The following FBXL17 variants were observed in gnomAD, a reference collection of about 807,000 sequenced individuals.
FBXL17 encodes the protein F-box and leucine rich repeat protein 17, also known as F-box/LRR-repeat protein 17.
FBXL17 carries 22 observed loss-of-function variants against 66.2 expected under a neutral mutation model. The observed-to-expected ratio is 0.33, with a 90% CI of 0.24 to 0.47. FBXL17 has a LOEUF of 0.47. Among genes scored for constraint, FBXL17 ranks in the 20% least tolerant of loss-of-function variants. The pLI is 1.00. For missense variants in FBXL17, 878 were observed against 948.2 expected (o/e 0.93, Z 0.97); for synonymous variants, 474 against 400.5 (o/e 1.18, Z -2.19).
intron 7 of FBXL17, among the ~76,000 whole-genome samples, chr5:107,998,770 T>C (rs956941137): frequency 3.3e-5 from 5 of 152,138 alleles, no homozygotes; most frequent in African/African-American, 1.2e-4. Context: ...CCCAGTGCCA[T>C]CCATCCTCCA....
At chr5:108,035,376 T>TC (rs1746801113) in intron 6 of FBXL17, among the ~76,000 whole-genome samples, 1 of 152,074 alleles carries the variant, frequency 6.6e-6, no homozygotes, top group Admixed American at 6.5e-5. Context: ...TTTGTTTTTT[T>TC]CTTTTCTGAG....
At chr5:108,019,753 A>G (rs967987266) in intron 7 of FBXL17, among the ~76,000 whole-genome samples, 6 of 151,988 alleles carry the variant, frequency 3.9e-5, no homozygotes, top group African/African-American at 1.4e-4. Context: ...AGTTTTAGAG[A>G]GATAACCATG....
intron 4 of FBXL17, among the ~76,000 whole-genome samples, chr5:108,322,346 C>A (rs959394342): frequency 2.0e-5 from 3 of 151,858 alleles, no homozygotes; most frequent in Non-Finnish European, 4.4e-5. Flanking sequence ...CTAGACAACA[C>A]TTTCAGAGGA....
intron 6 of FBXL17, among the ~76,000 whole-genome samples, chr5:108,169,792 G>T (rs1296629837): frequency 6.6e-6 from 1 of 152,138 alleles, no homozygotes; most frequent in South Asian, 2.1e-4. Flanking sequence ...ACTTGAGTAG[G>T]TCAATTTTCT....
chr5:107,907,380 C>T (rs1404026608), intron 7 of FBXL17, among the ~76,000 whole-genome samples: 4 of 152,154 alleles, frequency 2.6e-5, no homozygotes, highest in African/African-American at 4.8e-5. Context: ...CACATACATA[C>T]GGGCTCAGAA....
intron 4 of FBXL17, among the ~76,000 whole-genome samples, chr5:108,338,662 GA>G (rs1210390307): frequency 2.6e-5 from 4 of 151,712 alleles, no homozygotes; most frequent in East Asian, 1.9e-4. Context: ...GAAGGGTTGG[GA>G]AAAAAAAGTA....
chr5:108,009,194 CATATATATATATATATATATATATAT>C (rs373679985), intron 7 of FBXL17, among the ~76,000 whole-genome samples: 16,867 of 53,910 alleles, frequency 0.31, 3,931 homozygotes, highest in African/African-American at 0.61. Context: ...ATTTGAAAAG[CATATATATATATATATATATATATAT>C]ATATATATAT....
intron 3 of FBXL17, among the ~76,000 whole-genome samples, chr5:108,354,059 TA>T (rs1747807772): frequency 6.6e-6 from 1 of 152,236 alleles, no homozygotes; most frequent in Non-Finnish European, 1.5e-5. Context: ...TTCTAATGCA[TA>T]ATTCCTTTGA....
chr5:108,004,881 A>T (rs4307079), intron 7 of FBXL17, among the ~76,000 whole-genome samples: 60,993 of 151,962 alleles, frequency 0.4, 14,635 homozygotes, highest in African/African-American at 0.69. Context: ...TTCCCACAAA[A>T]ATTCATATTA....
chr5:108,352,397 AC>A (rs1747709664), intron 3 of FBXL17, among the ~76,000 whole-genome samples: 1 of 152,214 alleles, frequency 6.6e-6, no homozygotes, highest in Non-Finnish European at 1.5e-5. Context: ...CCACAGAAAA[AC>A]ATTCAGAGGG....
intron 6 of FBXL17, among the ~76,000 whole-genome samples, chr5:108,139,759 T>A (rs562073954): frequency 3.9e-5 from 6 of 152,202 alleles, no homozygotes; most frequent in African/African-American, 1.2e-4. Flanking sequence ...CCATCCATCT[T>A]CTTTCTTAGA....
chr5:108,374,597 G>A (rs1176379754), intron 1 of FBXL17, among the ~76,000 whole-genome samples: 2 of 152,006 alleles, frequency 1.3e-5, no homozygotes, highest in African/African-American at 4.8e-5. Flanking sequence ...GATTGCTTGA[G>A]CCCAGAAGGC....
chr5:108,077,305 A>G (rs1464381314), intron 6 of FBXL17, among the ~76,000 whole-genome samples: 20 of 152,234 alleles, frequency 1.3e-4, no homozygotes, highest in Admixed American at 1.3e-3. Context: ...TTTTGCAAAT[A>G]AGTTAATCCT....
intron 6 of FBXL17, among the ~76,000 whole-genome samples, chr5:108,121,772 T>G (rs539951132): frequency 6.6e-6 from 1 of 152,304 alleles, no homozygotes; most frequent in East Asian, 1.9e-4. Context: ...TTAGCCAGGA[T>G]GGTCTTGATC....
At position 107,860,858 on chromosome 5, in the gene FBXL17, C is replaced by T. The variant is rs909545198; in HGVS notation, c.*862G>A. The T allele has an allele frequency of 4.6e-5, 7 of 152,102 alleles. No homozygotes were observed. The highest frequency in any genetic ancestry group is 1.7e-4 in the African/African-American group (7 of 41,412). 9.4% of individuals were successfully genotyped at this position (152,102 alleles called of 1,614,324 possible). A position where few individuals can be genotyped will look rare whatever the true frequency, so the allele number is the denominator to read the frequency against. ...CTGTAGTTTTTAAAATAACTGCACA[C>T]CATTAATTACATTGGTGGCTTCAAT... is the stretch of plus-strand genomic sequence containing the variant. On this transcript the variant is annotated 3_prime_UTR_variant, in exon 9 of 9. Coordinates refer to ENST00000542267, the MANE Select transcript of FBXL17 (RefSeq NM_001163315.3).
chr5:107,969,170 T>C (rs1752268623), intron 7 of FBXL17, among the ~76,000 whole-genome samples: 1 of 152,136 alleles, frequency 6.6e-6, no homozygotes, highest in Non-Finnish European at 1.5e-5. Flanking sequence ...TTAAAACATT[T>C]ACTATCTGAC....
chr5:108,053,583 G>A (rs961612517), intron 6 of FBXL17, among the ~76,000 whole-genome samples: 14 of 152,088 alleles, frequency 9.2e-5, no homozygotes, highest in Non-Finnish European at 5.9e-5. Flanking sequence ...ATGCCAGTCA[G>A]AATGGCAATT....
intron 5 of FBXL17, among the ~76,000 whole-genome samples, chr5:108,196,622 T>C (rs1463492084): frequency 6.6e-6 from 1 of 152,204 alleles, no homozygotes; most frequent in Non-Finnish European, 1.5e-5. Flanking sequence ...ATGAGTAAAT[T>C]TGAAATCAGG....
At chr5:108,368,915 T>TTAA (rs1554094842) in intron 1 of FBXL17, among the ~76,000 whole-genome samples, 2 of 142,930 alleles carry the variant, frequency 1.4e-5, no homozygotes, top group Admixed American at 1.4e-4. Flanking sequence ...TACAAGGATT[T>TTAA]AAAAAAAAAA....
Sources: gnomAD v4.1 joint callset for allele counts (sites outside exome capture counted in the v4.1 genomes callset) on GRCh38, gnomAD v4.1.1 for gene constraint, MANE v1.5 for transcripts, NCBI Gene and HGNC (gene_info 2026-07-23, HGNC 2026-07-21) for gene names.